Variants in CCDC93 observed in about 807,000 individuals in gnomAD.
CCDC93 encodes the protein coiled-coil domain-containing protein 93.
A neutral mutation model predicts 108.2 loss-of-function variants in CCDC93; 61 were observed. The observed-to-expected ratio is 0.56, with a 90% CI of 0.46 to 0.70. The LOEUF is 0.70. Ranked by LOEUF, CCDC93 falls within the 30% of genes least tolerant of loss-of-function variation. The probability of loss-of-function intolerance (pLI) is 0.00; values close to 1 mark genes in which losing one functional copy is unlikely to be tolerated. For missense variants in CCDC93, 685 were observed against 764.2 expected (o/e 0.90, Z 1.22); for synonymous variants, 276 against 260.4 (o/e 1.06, Z -0.58).
At chr2:117,990,933 G>A (rs1680459488) in intron 6 of CCDC93, among the ~76,000 whole-genome samples, 1 of 150,524 alleles carries the variant, frequency 6.6e-6, no homozygotes, top group Non-Finnish European at 1.5e-5. Context: ...TTTAGTTTTT[G>A]TTTTTCTCCA....
intron 6 of CCDC93, among the ~76,000 whole-genome samples, chr2:117,992,369 G>A (rs1222805690): frequency 6.6e-6 from 1 of 152,010 alleles, no homozygotes; most frequent in African/African-American, 2.4e-5. Context: ...TTAGCCTCCT[G>A]AGGAGCTGAG....
intron 23 of CCDC93, among the ~76,000 whole-genome samples, chr2:117,928,610 A>C (rs1195449954): frequency 2.0e-5 from 3 of 152,164 alleles, no homozygotes; most frequent in Non-Finnish European, 4.4e-5. Flanking sequence ...TCAGGAAATA[A>C]CAGGTGCTGG....
chr2:117,933,580 C>A (rs1198634525), intron 22 of CCDC93, among the ~76,000 whole-genome samples: 1 of 152,174 alleles, frequency 6.6e-6, no homozygotes, highest in Non-Finnish European at 1.5e-5. Flanking sequence ...GTCATTGTTA[C>A]CCAGCGCTGG....
At chr2:117,922,646 T>C (rs1010799809) in intron 23 of CCDC93, among the ~76,000 whole-genome samples, 1 of 152,176 alleles carries the variant, frequency 6.6e-6, no homozygotes, top group Non-Finnish European at 1.5e-5. Context: ...TGTTGTGTTT[T>C]CCATGAAGAA....
In CCDC93 at chr2:117,944,106, G is replaced by A. The variant is rs1203187955; in HGVS notation, c.1351-20C>T. The A allele has an allele frequency of 1.9e-6, 3 of 1,550,316 alleles. No individual in the cohort carries two copies. The highest frequency in any genetic ancestry group is 2.6e-6 in the Non-Finnish European group (3 of 1,144,518). ...GTCTTCCTAAAAATTGGAAAAGGCT[G>A]TAATTATCTGGGAATAGAAAACTTT... On this transcript the variant is annotated intron_variant, in intron 17 of 23. Coordinates refer to ENST00000376300, the MANE Select transcript of CCDC93 (RefSeq NM_019044.5).
At chr2:117,973,674 G>C (rs1679838367) in intron 11 of CCDC93, among the ~76,000 whole-genome samples, 1 of 152,088 alleles carries the variant, frequency 6.6e-6, no homozygotes, top group South Asian at 2.1e-4. Context: ...CTGTGAGACA[G>C]GTTTTCTCTT....
chr2:117,937,971 T>C (rs1021707903), intron 20 of CCDC93, among the ~76,000 whole-genome samples: 1 of 152,192 alleles, frequency 6.6e-6, no homozygotes, highest in African/African-American at 2.4e-5. Context: ...ATGCCTCAAT[T>C]TGGGTTCAGG....
intron 21 of CCDC93, among the ~76,000 whole-genome samples, chr2:117,936,071 AATAAG>A (rs1471446444): frequency 3.9e-5 from 6 of 151,902 alleles, no homozygotes; most frequent in Non-Finnish European, 7.4e-5. Flanking sequence ...CCTGTAACTC[AATAAG>A]ATGTCAGTCA....
chr2:117,974,135 A>AT (rs1228386143), intron 10 of CCDC93, 141 bp from the exon 11 acceptor site: 4 of 676,806 alleles, frequency 5.9e-6, no homozygotes, highest in African/African-American at 1.8e-5. Flanking sequence ...GCTTTGCCAC[A>AT]TATTACCAAC....
intron 18 of CCDC93, among the ~76,000 whole-genome samples, chr2:117,941,873 G>C (rs1303251677): frequency 6.6e-6 from 1 of 152,236 alleles, no homozygotes; most frequent in Non-Finnish European, 1.5e-5. Flanking sequence ...CAGCTGCAGG[G>C]AGAGCAAGCC....
intron 3 of CCDC93, among the ~76,000 whole-genome samples, chr2:118,002,946 G>GA (rs879589195): frequency 6.6e-6 from 1 of 152,216 alleles, no homozygotes; most frequent in African/African-American, 2.4e-5. Context: ...ACTAAGGCAG[G>GA]AAGATCACTT....
rs1677678833 is a variant in CCDC93 at position 117,916,162 on chromosome 2, G to GT, written c.*4180dup. The GT allele has an allele frequency of 6.6e-6, 1 of 152,012 alleles. No homozygotes were observed. Among genetic ancestry groups the GT allele is most frequent in the East Asian group, 1.9e-4 (1 of 5,158 alleles). The allele number at this position is 152,012 out of a possible 1,614,324, so 9.4% of individuals were successfully genotyped here. A position where few individuals can be genotyped will look rare whatever the true frequency, so the allele number is the denominator to read the frequency against. On this transcript the variant is annotated 3_prime_UTR_variant, in exon 24 of 24. Coordinates refer to ENST00000376300, the MANE Select transcript of CCDC93 (RefSeq NM_019044.5). Reference sequence around the variant, plus strand: ...TACATGTCACACTCCTGCCACCACCGTATCTAGTGCTGCCACCCACAGCCT... The same window carrying GT: ...TACATGTCACACTCCTGCCACCACCGTTATCTAGTGCTGCCACCCACAGCCT...
chr2:117,981,841 G>A (rs927655966), intron 7 of CCDC93, among the ~76,000 whole-genome samples: 1 of 151,954 alleles, frequency 6.6e-6, no homozygotes, highest in Non-Finnish European at 1.5e-5. Flanking sequence ...CTACCATACT[G>A]GACACCACAA....
chr2:118,008,853 C>G, intron 1 of CCDC93, 195 bp from the exon 2 acceptor site: 1 of 557,596 alleles, frequency 1.8e-6, no homozygotes, highest in South Asian at 2.1e-5. Flanking sequence ...CAAATGGGTC[C>G]GCGGTCCTCA....
intron 7 of CCDC93, among the ~76,000 whole-genome samples, chr2:117,982,589 G>A (rs932736640): frequency 6.6e-6 from 1 of 152,220 alleles, no homozygotes; most frequent in Non-Finnish European, 1.5e-5. Context: ...CACTGTGGGT[G>A]TAACGCTGAT....
intron 1 of CCDC93, among the ~76,000 whole-genome samples, 179 bp downstream of exon 1, chr2:118,013,775 T>A (rs1171970164): frequency 6.6e-6 from 1 of 151,690 alleles, no homozygotes; most frequent in African/African-American, 2.4e-5. Context: ...CCCCTGCCCA[T>A]GCAGGGGTAC....
In CCDC93 at chr2:117,995,450, A is replaced by T. The variant is rs1680615274; in HGVS notation, c.515T>A (p.Leu172His). The stretch of plus-strand genomic sequence containing the variant: ...GAATACGGCCAGGGGACTTACTGAG[A>T]GGTCCACAACTGTCTTGATGGCCTT... ...KEKAIKTVVD[L>H]SEVYKPRRKY... The change falls in exon 6 of 24, where the codon CTC becomes CAC. Residue 172 changes from leucine to histidine, a missense_variant. Coordinates refer to ENST00000376300, the MANE Select transcript of CCDC93 (RefSeq NM_019044.5). 1.2e-6 allele frequency: 2 copies of T among 1,611,720 alleles called. No individual in the cohort carries two copies. The highest frequency in any genetic ancestry group is 1.7e-6 in the Non-Finnish European group (2 of 1,177,850).
chr2:117,924,442 A>T (rs576574785), intron 23 of CCDC93, among the ~76,000 whole-genome samples: 4 of 152,392 alleles, frequency 2.6e-5, no homozygotes, highest in Non-Finnish European at 5.9e-5. Context: ...AAAGGACGTG[A>T]TGGAGCTGAA....
rs930034430 is a variant in CCDC93 at position 117,916,831 on chromosome 2, G to C, written c.*3512C>G. 3 of 152,214 alleles carry C rather than the reference G, an allele frequency of 2.0e-5. No homozygotes were observed. Among genetic ancestry groups the C allele is most frequent in the East Asian group, 1.9e-4 (1 of 5,196 alleles). 9.4% of individuals were successfully genotyped at this position (152,214 alleles called of 1,614,324 possible). ...ATCTTCAGCCTGTAATAGAAGGAAT[G>C]CTCTGGACTTCATGAAAAGGATCAA... On this transcript the variant is annotated 3_prime_UTR_variant, in exon 24 of 24. Transcript: ENST00000376300.
Sources: gnomAD v4.1 joint callset for allele counts (sites outside exome capture counted in the v4.1 genomes callset) on GRCh38, gnomAD v4.1.1 for gene constraint, MANE v1.5 for transcripts, NCBI Gene and HGNC (gene_info 2026-07-23, HGNC 2026-07-21) for gene names.